The following MMP15 variants were observed in gnomAD, a reference collection of about 807,000 sequenced individuals.
The protein encoded by MMP15 is matrix metalloproteinase-15.
Under a neutral mutation model 65.0 loss-of-function variants are expected in MMP15, and 36 were observed. That is an observed-to-expected ratio of 0.55 (90% CI 0.42 to 0.73). The LOEUF (loss-of-function observed/expected upper bound fraction) is 0.73. Ranked by LOEUF, MMP15 falls within the 30% of genes least tolerant of loss-of-function variation. The probability of loss-of-function intolerance (pLI) is 0.00; values close to 1 mark genes in which losing one functional copy is unlikely to be tolerated. For synonymous variants in MMP15, 428 were observed against 410.2 expected (o/e 1.04, Z -0.52); for missense variants, 870 against 987.8 (o/e 0.88, Z 1.60).
At position 58,045,464 on chromosome 16, in the gene MMP15, T is replaced by C. The variant is rs368575241; in HGVS notation, c.*18T>C. The C allele has an allele frequency of 1.2e-3, 1,747 of 1,493,636 alleles. 5 individuals carry two copies. The highest frequency in any genetic ancestry group is 1.3e-3 in the Non-Finnish European group (1,434 of 1,119,872). The allele number at this position is 1,493,636 out of a possible 1,614,324, so 92.5% of individuals were successfully genotyped here. A position where few individuals can be genotyped will look rare whatever the true frequency, so the allele number is the denominator to read the frequency against. ...GGGTCTGACCACCCAGCGCTCCTGC[T>C]AACGGTGCTCAGGGGGCGCCTGTGG... On this transcript the variant is annotated 3_prime_UTR_variant, in exon 10 of 10. Transcript: ENST00000219271.
Position 58,042,212 on chromosome 16 carries a change from C to T in MMP15, c.1165-19C>T, listed in dbSNP as rs746168550. On this transcript the variant is annotated intron_variant, in intron 6 of 9. Transcript: ENST00000219271. The stretch of plus-strand genomic sequence containing the variant: ...AGGCAGCTTGCCTGCGCTGCCCGCT[C>T]ACACTATGCCCTCCCCAGGGCCGCT... The T allele has an allele frequency of 8.1e-6, 13 of 1,606,592 alleles. No individual in the cohort carries two copies. The highest frequency in any genetic ancestry group is 3.5e-4 in the Middle Eastern group (2 of 5,722).
intron 5 of MMP15, 71 bp downstream of exon 5, chr16:58,040,769 C>T (rs1301064067): frequency 3.8e-6 from 6 of 1,597,074 alleles, no homozygotes; most frequent in Non-Finnish European, 3.4e-6. Flanking sequence ...GTAGGCATTG[C>T]TGCCATCCCC....
rs1959564237 is a variant in MMP15 at position 58,046,290 on chromosome 16, G to C, written c.*844G>C. On this transcript the variant is annotated 3_prime_UTR_variant, in exon 10 of 10. Coordinates refer to ENST00000219271, the MANE Select transcript of MMP15 (RefSeq NM_002428.4). ...TCCGACTCACACCACTAGCCTCAGG[G>C]GTCTGAGCTCCAGCTCCTTTGGGCT... 1 of 152,932 alleles carries C rather than the reference G, an allele frequency of 6.5e-6. No individual in the cohort carries two copies. The highest frequency in any genetic ancestry group is 2.4e-5 in the African/African-American group (1 of 41,446). 9.5% of individuals were successfully genotyped at this position (152,932 alleles called of 1,614,324 possible). A position where few individuals can be genotyped will look rare whatever the true frequency, so the allele number is the denominator to read the frequency against.
intron 1 of MMP15, among the ~76,000 whole-genome samples, chr16:58,028,544 G>C (rs763604375): frequency 6.6e-6 from 1 of 152,194 alleles, no homozygotes; most frequent in Non-Finnish European, 1.5e-5. Flanking sequence ...CCCATCTGCC[G>C]GGGGCTGTGG....
Position 58,046,470 on chromosome 16 carries a change from G to A in MMP15, c.*1024G>A, listed in dbSNP as rs994614998. 6.6e-6 allele frequency: 1 copy of A among 152,578 alleles called. No individual in the cohort carries two copies. The highest frequency in any genetic ancestry group is 2.4e-5 in the African/African-American group (1 of 41,458). 9.5% of individuals were successfully genotyped at this position (152,578 alleles called of 1,614,324 possible). On this transcript the variant is annotated 3_prime_UTR_variant, in exon 10 of 10. Transcript: ENST00000219271. ...CTGTGCCCCCAGGGTCCTGGGAGGA[G>A]AGACACTGGTGGGGATAGGCCAGCC...
intron 1 of MMP15, 34 bp from the exon 2 acceptor site, chr16:58,037,438 A>G (rs1959353137): frequency 6.2e-7 from 1 of 1,608,220 alleles, no homozygotes; most frequent in African/African-American, 1.3e-5. Flanking sequence ...TAGCAGTGCC[A>G]GGACCTGCTG....
rs954418902 is a variant in MMP15 at position 58,039,780 on chromosome 16, G to A, written c.441-95G>A. On this transcript the variant is annotated intron_variant, in intron 3 of 9. Coordinates refer to ENST00000219271, the MANE Select transcript of MMP15 (RefSeq NM_002428.4). ...ACTGCCAGTTGATAATGACGGGCTT[G>A]TTGGTGACCTTGCGTGCACTCTTGG... is the stretch of plus-strand genomic sequence containing the variant. 25 of 1,274,628 alleles carry A rather than the reference G, an allele frequency of 2.0e-5. No homozygotes were observed. In the East Asian group the frequency reaches 5.8e-4, roughly 29 times the overall value. The allele number at this position is 1,274,628 out of a possible 1,614,324, so 79.0% of individuals were successfully genotyped here. A position where few individuals can be genotyped will look rare whatever the true frequency, so the allele number is the denominator to read the frequency against.
chr16:58,029,395 C>T (rs752771204), intron 1 of MMP15, among the ~76,000 whole-genome samples: 2 of 152,212 alleles, frequency 1.3e-5, no homozygotes, highest in Non-Finnish European at 2.9e-5. Context: ...GAGTTAATAG[C>T]GGGGCCTTGT....
intron 1 of MMP15, among the ~76,000 whole-genome samples, chr16:58,036,775 G>A (rs1262497239): frequency 2.0e-5 from 3 of 152,202 alleles, no homozygotes; most frequent in African/African-American, 7.2e-5. Context: ...CAAAGAGTAA[G>A]GCCTCAAGAG....
chr16:58,031,835 G>A (rs1007834121), intron 1 of MMP15, among the ~76,000 whole-genome samples: 3 of 147,852 alleles, frequency 2.0e-5, no homozygotes, highest in African/African-American at 7.6e-5. Flanking sequence ...CTCCAAGGAG[G>A]ACCTGGCTCG....
intron 7 of MMP15, 131 bp downstream of exon 7, chr16:58,042,500 C>G: frequency 7.6e-7 from 1 of 1,309,464 alleles, no homozygotes; most frequent in Non-Finnish European, 1.0e-6. Flanking sequence ...TGGGCTCACT[C>G]TGGGAGGATG....
intron 1 of MMP15, among the ~76,000 whole-genome samples, chr16:58,029,709 CCT>C (rs1412588380): frequency 6.6e-6 from 1 of 152,198 alleles, no homozygotes; most frequent in Non-Finnish European, 1.5e-5. Context: ...CCCATTGTGA[CCT>C]CTGAACATAA....
rs1959361817 is a variant in MMP15 at position 58,037,679 on chromosome 16, C to G, written c.311+59C>G. 22 of 1,607,030 alleles carry G rather than the reference C, an allele frequency of 1.4e-5. No homozygotes were observed. The South Asian group carries it at 2.4e-4, about 18-fold the overall frequency. Reference sequence around the variant, plus strand: ...ACCTGCCTTCCATCTGGCCTGCTCTCAAGAGGGCTCAGCATGTGGAGTTTC... The same window carrying G: ...ACCTGCCTTCCATCTGGCCTGCTCTGAAGAGGGCTCAGCATGTGGAGTTTC... On this transcript the variant is annotated intron_variant, in intron 2 of 9. Coordinates refer to ENST00000219271, the MANE Select transcript of MMP15 (RefSeq NM_002428.4).
Position 58,026,414 on chromosome 16 carries a change from G to A in MMP15, c.64G>A (p.Glu22Lys). 1 of 1,440,878 alleles carries A rather than the reference G, an allele frequency of 6.9e-7. No individual in the cohort carries two copies. Among genetic ancestry groups the A allele is most frequent in the South Asian group, 1.4e-5 (1 of 71,746 alleles). 89.3% of individuals were successfully genotyped at this position (1,440,878 alleles called of 1,614,324 possible). The change falls in exon 1 of 10, where the codon GAG becomes AAG. Residue 22 changes from glutamate (E) to lysine (K), a missense_variant. By Grantham distance (56) the Glu-to-Lys change is moderately conservative. Coordinates refer to ENST00000219271, the MANE Select transcript of MMP15 (RefSeq NM_002428.4). ...GWTGSLLGDR[E>K]EAARPRLLPL... Reference sequence around the variant, plus strand: ...GACGGGCAGCCTCCTCGGCGACCGGGAGGAGGCGGCGCGGCCGCGACTGCT... The same window carrying A: ...GACGGGCAGCCTCCTCGGCGACCGGAAGGAGGCGGCGCGGCCGCGACTGCT...
chr16:58,045,018 T>G lies in MMP15; in HGVS notation c.1582T>G (p.Phe528Val). The G allele has an allele frequency of 6.2e-7, 1 of 1,613,398 alleles. No individual in the cohort carries two copies. Among genetic ancestry groups the G allele is most frequent in the Non-Finnish European group, 8.5e-7 (1 of 1,179,994 alleles). ...FLSNDAAYTY[F>V]YKGTKYWKFD... The stretch of plus-strand genomic sequence containing the variant: ...CCTTGCCCCTGCAGCCTACACCTAC[T>G]TCTACAAGGGCACCAAATACTGGAA... Residue 528 changes from phenylalanine to valine, a missense_variant, in exon 10 of 10, where the codon TTC (phenylalanine) becomes GTC (valine). Transcript: ENST00000219271.
intron 1 of MMP15, among the ~76,000 whole-genome samples, chr16:58,030,369 G>A (rs1963876755): frequency 6.6e-6 from 1 of 152,180 alleles, no homozygotes; most frequent in Non-Finnish European, 1.5e-5. Flanking sequence ...GTCAGACACA[G>A]GTTCCAGGGA....
At chr16:58,040,505 T>C (rs757294072) in intron 4 of MMP15, 32 bp from the exon 5 acceptor site, 2 of 1,605,434 alleles carry the variant, frequency 1.2e-6, no homozygotes, top group Admixed American at 3.3e-5. Flanking sequence ...TGGCCACAGC[T>C]GACTGTGCTG....
chr16:58,043,709 C>A, intron 9 of MMP15, 82 bp downstream of exon 9: 1 of 1,023,010 alleles, frequency 9.8e-7, no homozygotes. Context: ...TGCCCAAGGT[C>A]ACCCGGCACT....
intron 5 of MMP15, among the ~76,000 whole-genome samples, chr16:58,041,375 G>A (rs1959447768): frequency 6.6e-6 from 1 of 152,178 alleles, no homozygotes; most frequent in Admixed American, 6.5e-5. Context: ...GTCCCCAAGG[G>A]GACATGCAGG....
Sources: gnomAD v4.1 joint callset for allele counts (sites outside exome capture counted in the v4.1 genomes callset) on GRCh38, gnomAD v4.1.1 for gene constraint, MANE v1.5 for transcripts, NCBI Gene and HGNC (gene_info 2026-07-23, HGNC 2026-07-21) for gene names.